Variants in LINGO2 observed in about 807,000 individuals in gnomAD.
LINGO2 encodes the protein leucine rich repeat and Ig domain containing 2.
In LINGO2, 14 loss-of-function variants were observed where a neutral mutation model predicts 30.6. That is an observed-to-expected ratio of 0.46 (90% CI 0.30 to 0.72). The LOEUF is 0.72. LINGO2 is among the 30% of genes least tolerant of loss of function. LINGO2 has a pLI of 0.07. For missense variants in LINGO2, 729 were observed against 751.7 expected, an observed-to-expected ratio of 0.97 and a Z score of 0.35; for synonymous variants, 317 against 288.5, an observed-to-expected ratio of 1.10 and a Z score of -1.00.
the LINGO2 span, among the ~76,000 whole-genome samples, chr9:29,058,941 G>C: frequency 3.9e-5 from 6 of 151,902 alleles, no homozygotes; most frequent in South Asian, 8.3e-4. Context: ...CTTTTTAATA[G>C]AATATTTAGT....
chr9:28,747,406 C>T, the LINGO2 span, among the ~76,000 whole-genome samples: 1 of 152,038 alleles, frequency 6.6e-6, no homozygotes, highest in African/African-American at 2.4e-5. Flanking sequence ...CAAGTCCGTG[C>T]ATGACCGGAT....
At chr9:28,231,420 T>C (rs1022240358) in intron 4 of LINGO2, among the ~76,000 whole-genome samples, 1 of 152,038 alleles carries the variant, frequency 6.6e-6, no homozygotes, top group Non-Finnish European at 1.5e-5. Context: ...TCTTTTGGTA[T>C]TTAAAATTAT....
the LINGO2 span, among the ~76,000 whole-genome samples, chr9:29,060,721 G>A: frequency 2.0e-5 from 3 of 151,638 alleles, no homozygotes; most frequent in African/African-American, 7.2e-5. Flanking sequence ...AGAACTGACT[G>A]GAAATTTTAG....
chr9:28,014,563 A>AAAAAAAAG (rs1822727794), intron 4 of LINGO2, among the ~76,000 whole-genome samples: 1 of 152,206 alleles, frequency 6.6e-6, no homozygotes, highest in Non-Finnish European at 1.5e-5. Flanking sequence ...TTTATCCAGG[A>AAAAAAAAG]TAAGACAATT....
At chr9:28,970,149 G>C in the LINGO2 span, among the ~76,000 whole-genome samples, 4 of 152,222 alleles carry the variant, frequency 2.6e-5, no homozygotes, top group African/African-American at 9.6e-5. Flanking sequence ...TAAGCTTAGG[G>C]CACATCAGTG....
intron 3 of LINGO2, among the ~76,000 whole-genome samples, chr9:28,371,912 G>C (rs1030142908): frequency 6.6e-6 from 1 of 152,142 alleles, no homozygotes; most frequent in Non-Finnish European, 1.5e-5. Context: ...ATAGGTGAAG[G>C]TTTATTGCTA....
At chr9:28,693,762 G>A in the LINGO2 span, among the ~76,000 whole-genome samples, 2 of 151,930 alleles carry the variant, frequency 1.3e-5, no homozygotes, top group Non-Finnish European at 2.9e-5. Context: ...AATGTTGGGG[G>A]GATGGTAGGT....
the LINGO2 span, among the ~76,000 whole-genome samples, chr9:28,932,505 G>C: frequency 6.6e-6 from 1 of 152,130 alleles, no homozygotes; most frequent in African/African-American, 2.4e-5. Context: ...TATGCTAAGC[G>C]TGTTTAAGAC....
intron 3 of LINGO2, among the ~76,000 whole-genome samples, chr9:28,302,591 A>C (rs1824190103): frequency 6.6e-6 from 1 of 152,102 alleles, no homozygotes; most frequent in Admixed American, 6.5e-5. Flanking sequence ...GGATCACCTG[A>C]ACCCAGGAAG....
the LINGO2 span, among the ~76,000 whole-genome samples, chr9:28,745,055 A>G: frequency 6.6e-6 from 1 of 152,022 alleles, no homozygotes; most frequent in Non-Finnish European, 1.5e-5. Flanking sequence ...TATCATAGAC[A>G]TGTATGTTTA....
chr9:28,310,052 G>GT (rs1186395696), intron 3 of LINGO2, among the ~76,000 whole-genome samples: 1 of 152,110 alleles, frequency 6.6e-6, no homozygotes, highest in African/African-American at 2.4e-5. Flanking sequence ...TACAGTGCTG[G>GT]TAGGAGTGTA....
chr9:28,871,340 A>AAT, the LINGO2 span, among the ~76,000 whole-genome samples: 1 of 151,620 alleles, frequency 6.6e-6, no homozygotes, highest in African/African-American at 2.4e-5. Flanking sequence ...GCTCATTGAA[A>AAT]ATATATATGC....
intron 4 of LINGO2, among the ~76,000 whole-genome samples, chr9:28,235,362 G>A (rs114948087): frequency 0.013 from 1,979 of 152,202 alleles, 55 homozygotes; most frequent in African/African-American, 0.045. Flanking sequence ...AGCCTCCCCA[G>A]GAAGGACATA....
intron 2 of LINGO2, among the ~76,000 whole-genome samples, chr9:28,431,671 G>A (rs1823681696): frequency 6.6e-6 from 1 of 152,146 alleles, no homozygotes; most frequent in Non-Finnish European, 1.5e-5. Context: ...CCCAGTTCAT[G>A]GCAGTTCCTT....
chr9:28,946,324 A>G, the LINGO2 span, among the ~76,000 whole-genome samples: 2 of 152,182 alleles, frequency 1.3e-5, no homozygotes, highest in South Asian at 4.1e-4. Flanking sequence ...AAAAACTTTT[A>G]AAATCAATCC....
rs1008310976 is a variant in LINGO2, at chr9:28,163,737, G to A, written c.-87+131471C>T. On this transcript the variant is annotated intron_variant, in intron 4 of 5. Coordinates refer to ENST00000379992, the Ensembl canonical transcript of LINGO2. The stretch of plus-strand genomic sequence containing the variant: ...CTTTTTCTTTTTTGCAGATGACACG[G>A]TCTGTTTGATTCAATAAGCATCACC... 3.3e-5 allele frequency among the ~76,000 whole-genome samples: 5 copies of A among 152,178 alleles called. No homozygotes were observed. The South Asian group carries it at 6.2e-4, about 19-fold the overall frequency.
At chr9:28,218,281 A>AT (rs5897278) in intron 4 of LINGO2, among the ~76,000 whole-genome samples, 115,694 of 149,202 alleles carry the variant, frequency 0.78, 44,887 homozygotes, top group Non-Finnish European at 0.81. Context: ...TGAATTTCTA[A>AT]TTTTTTTTTT....
chr9:29,143,099 A>T, the LINGO2 span, among the ~76,000 whole-genome samples: 1 of 152,114 alleles, frequency 6.6e-6, no homozygotes, highest in Non-Finnish European at 1.5e-5. Flanking sequence ...GAATGTAAAG[A>T]CTTGTACACT....
At chr9:29,209,298 C>T in the LINGO2 span, among the ~76,000 whole-genome samples, 6 of 152,014 alleles carry the variant, frequency 3.9e-5, no homozygotes, top group South Asian at 2.1e-4. Flanking sequence ...ATTTAAGAGA[C>T]GATAATAAAC....
Sources: gnomAD v4.1 joint callset for allele counts (sites outside exome capture counted in the v4.1 genomes callset) on GRCh38, gnomAD v4.1.1 for gene constraint, MANE v1.5 for transcripts, NCBI Gene and HGNC (gene_info 2026-07-23, HGNC 2026-07-21) for gene names.